Variants in BIRC6 observed in about 807,000 individuals in gnomAD.
BIRC6 encodes baculoviral IAP repeat containing 6, also known as dual E2 ubiquitin-conjugating enzyme/E3 ubiquitin-protein ligase BIRC6.
Under a neutral mutation model 503.3 loss-of-function variants are expected in BIRC6, and 98 were observed. The ratio of observed to expected loss-of-function variants is 0.19; its 90% CI spans 0.17 to 0.23. The LOEUF (loss-of-function observed/expected upper bound fraction) is 0.23, where lower values mean the gene tolerates loss of function less well. Among genes scored for constraint, BIRC6 ranks in the 10% least tolerant of loss-of-function variants. The pLI, the probability that BIRC6 is intolerant of heterozygous loss-of-function variation, is 1.00. For missense variants in BIRC6, 5,360 were observed against 5,806.0 expected (o/e 0.92, Z 2.50); for synonymous variants, 2,240 against 2,078.7 (o/e 1.08, Z -2.11).
rs778814888 is a variant in BIRC6 at position 32,415,908 on chromosome 2, G to A, written c.2617G>A (p.Asp873Asn). Residue 873 changes from aspartate to asparagine, a missense_variant, in exon 10 of 74, where the codon GAC becomes AAC. Asp to Asn is a conservative substitution (Grantham distance 23). Transcript: ENST00000421745. ...CGATATATTGGATAATCGAGAGGAT[G>A]ACTGTGAGGAACCTATTGAGGACAT... ...PPDILDNRED[D>N]CEEPIEDMQL... 4 of 1,614,022 alleles carry A rather than the reference G, an allele frequency of 2.5e-6. No homozygotes were observed. In the East Asian group the frequency reaches 8.9e-5, roughly 36 times the overall value.
At chr2:32,503,996 C>G (rs935636213) in intron 49 of BIRC6, among the ~76,000 whole-genome samples, 2 of 117,948 alleles carry the variant, frequency 1.7e-5, no homozygotes, top group Non-Finnish European at 3.2e-5. Context: ...GGATTGCAGG[C>G]GTGTTTCACC....
intron 10 of BIRC6, among the ~76,000 whole-genome samples, chr2:32,427,316 C>G (rs1399654439): frequency 6.6e-6 from 1 of 151,376 alleles, no homozygotes; most frequent in Admixed American, 6.6e-5. Context: ...AAGTCTTGCT[C>G]TTGTCGCCCA....
At chr2:32,587,809 C>T (rs1168100598) in intron 66 of BIRC6, among the ~76,000 whole-genome samples, 1 of 152,128 alleles carries the variant, frequency 6.6e-6, no homozygotes, top group African/African-American at 2.4e-5. Context: ...AATTTTCTTA[C>T]TGTTTTCCTT....
chr2:32,496,025 TAG>T (rs1243673175), intron 45 of BIRC6, among the ~76,000 whole-genome samples: 1 of 151,858 alleles, frequency 6.6e-6, no homozygotes, highest in Non-Finnish European at 1.5e-5. Context: ...GTAGTTTTAG[TAG>T]AGACGGGGTT....
intron 10 of BIRC6, among the ~76,000 whole-genome samples, chr2:32,423,276 A>G (rs527890507): frequency 6.6e-6 from 1 of 152,150 alleles, no homozygotes; most frequent in South Asian, 2.1e-4. Flanking sequence ...CATGGGTTAT[A>G]ATTTTTTTTT....
intron 49 of BIRC6, among the ~76,000 whole-genome samples, chr2:32,504,668 AAAAT>A (rs897772872): frequency 6.6e-5 from 10 of 151,862 alleles, no homozygotes; most frequent in African/African-American, 1.4e-4. Context: ...CTCCATCTGA[AAAAT>A]AAATAAATAA....
chr2:32,440,751 T>TTTTTTTTTTTTATTATTATTATTA (rs773312894), intron 16 of BIRC6, among the ~76,000 whole-genome samples: 1 of 147,150 alleles, frequency 6.8e-6, no homozygotes, highest in Non-Finnish European at 1.5e-5. Flanking sequence ...TGTTTATTTA[T>TTTTTTTTTTTTATTATTATTATTA]TTATTATTAT....
At chr2:32,603,922 C>A (rs1023696029) in intron 71 of BIRC6, among the ~76,000 whole-genome samples, 1 of 150,520 alleles carries the variant, frequency 6.6e-6, no homozygotes, top group Admixed American at 6.6e-5. Flanking sequence ...TGTTAATTAC[C>A]AATTGATTTT....
intron 50 of BIRC6, among the ~76,000 whole-genome samples, chr2:32,506,006 C>T (rs1278034269): frequency 6.6e-6 from 1 of 151,922 alleles, no homozygotes; most frequent in East Asian, 1.9e-4. Flanking sequence ...ACCACCATGC[C>T]TGGCTAAATT....
chr2:32,444,734 A>G (rs1053478423), intron 20 of BIRC6, among the ~76,000 whole-genome samples: 3 of 152,196 alleles, frequency 2.0e-5, no homozygotes, highest in Non-Finnish European at 4.4e-5. Flanking sequence ...ATATTTCATA[A>G]AGATTTCATC....
At chr2:32,541,171 T>C (rs2057633545) in intron 61 of BIRC6, among the ~76,000 whole-genome samples, 1 of 152,082 alleles carries the variant, frequency 6.6e-6, no homozygotes, top group Non-Finnish European at 1.5e-5. Context: ...TATAGGTACT[T>C]TTATATGAAA....
chr2:32,504,042 G>GTGTT (rs2053520787), intron 49 of BIRC6, among the ~76,000 whole-genome samples: 1 of 141,948 alleles, frequency 7.0e-6, no homozygotes, highest in African/African-American at 2.6e-5. Flanking sequence ...GTTTGTGTGT[G>GTGTT]TGTGTGTGTG....
At chr2:32,490,267 G>A in intron 43 of BIRC6, 116 bp downstream of exon 43, 1 of 907,590 alleles carries the variant, frequency 1.1e-6, no homozygotes, top group Non-Finnish European at 1.7e-6. Context: ...GGTTGAGTTG[G>A]CCAGATGTGG....
chr2:32,417,667 G>C (rs2042521679), intron 10 of BIRC6, among the ~76,000 whole-genome samples: 2 of 152,190 alleles, frequency 1.3e-5, no homozygotes, highest in South Asian at 2.1e-4. Flanking sequence ...ATAGTAATTA[G>C]ACTGTTTTTC....
chr2:32,563,064 G>C (rs1021693706), intron 65 of BIRC6, among the ~76,000 whole-genome samples: 1 of 152,148 alleles, frequency 6.6e-6, no homozygotes, highest in African/African-American at 2.4e-5. Context: ...GCTATGCTAC[G>C]TATTTTGCCT....
At chr2:32,425,972 C>G (rs1341870052) in intron 10 of BIRC6, among the ~76,000 whole-genome samples, 2 of 152,214 alleles carry the variant, frequency 1.3e-5, no homozygotes, top group Non-Finnish European at 2.9e-5. Flanking sequence ...TTTAGGCCAC[C>G]CTCTTACCAG....
chr2:32,499,920 A>G lies in BIRC6; in HGVS notation c.8842A>G (p.Thr2948Ala), dbSNP rs749904836. ...REYSARVSVT[T>A]NTTDSVSDEE... The stretch of plus-strand genomic sequence containing the variant: ...ATACAGTGCAAGAGTGTCTGTGACC[A>G]CAAATACAACAGATAGTGTTTCAGA... Residue 2948 changes from threonine to alanine, a missense_variant, in exon 46 of 74, where the codon ACA becomes GCA. Thr to Ala is a moderately conservative substitution (Grantham distance 58). Around this residue, in one of 16 missense-constraint regions of BIRC6, gnomAD observed 2,299 missense variants for 2,267.2 expected, o/e 1.01. Transcript: ENST00000421745. 45 of 1,614,068 alleles carry G rather than the reference A, an allele frequency of 2.8e-5. No individual in the cohort carries two copies. Among genetic ancestry groups the G allele is most frequent in the Non-Finnish European group, 3.7e-5 (44 of 1,179,904 alleles).
intron 19 of BIRC6, 115 bp from the exon 20 acceptor site, chr2:32,443,376 T>C: frequency 1.5e-6 from 1 of 653,382 alleles, no homozygotes; most frequent in Non-Finnish European, 2.5e-6. Context: ...GGCAGGTTTT[T>C]CTTTTAATCG....
At chr2:32,419,761 A>G (rs2042748258) in intron 10 of BIRC6, among the ~76,000 whole-genome samples, 1 of 152,230 alleles carries the variant, frequency 6.6e-6, no homozygotes, top group Non-Finnish European at 1.5e-5. Flanking sequence ...GAAGGAGGAT[A>G]ATAAGTTGAG....
Sources: allele counts gnomAD v4.1 joint callset (sites outside exome capture counted in the v4.1 genomes callset), GRCh38; gene constraint gnomAD v4.1.1; regional missense constraint gnomAD v4.1.1; transcripts MANE v1.5; gene names NCBI Gene and HGNC (gene_info 2026-07-23, HGNC 2026-07-21).